LILRA1: variants seen among roughly 807,000 people sequenced by gnomAD.
LILRA1 encodes the protein leukocyte immunoglobulin-like receptor subfamily A member 1.
Under a neutral mutation model 51.6 loss-of-function variants are expected in LILRA1, and 51 were observed. The observed-to-expected ratio is 0.99, with a 90% confidence interval of 0.79 to 1.25. The LOEUF (loss-of-function observed/expected upper bound fraction) is 1.25, where lower values mean the gene tolerates loss of function less well. LILRA1 is among the 50% of genes most tolerant of loss of function. The pLI is 0.00. For missense variants in LILRA1, 660 were observed against 611.7 expected (o/e 1.08, Z -0.83); for synonymous variants, 305 against 248.4 (o/e 1.23, Z -2.14).
At chr19:54,600,422 A>C in intron 8 of LILRA1, 90 bp from the exon 9 acceptor site, 1 of 1,304,318 alleles carries the variant, frequency 7.7e-7, no homozygotes, top group Admixed American at 1.8e-5. Context: ...ACTCCCTAGA[A>C]CTCATGTCAG....
Position 54,594,930 on chromosome 19 carries a change from C to G in LILRA1, c.336C>G (p.Asp112Glu), listed in dbSNP as rs10417158. Residue 112 changes from aspartate (D) to glutamate (E), a missense_variant, in exon 4 of 10, where the codon GAC (aspartate) becomes GAG (glutamate). Transcript: ENST00000251372. ...CTGCAGGCTGGTCAGAGCCCAGTGACCCCCTGGAGCTGGTGGTGACAGGTG... is the reference window on the plus strand; with the variant it reads ...CTGCAGGCTGGTCAGAGCCCAGTGAGCCCCTGGAGCTGGTGGTGACAGGTG... ...SHTAGWSEPS[D>E]PLELVVTGAY... is the part of the protein sequence containing the mutation. The G allele has an allele frequency of 3.6e-3, 5,864 of 1,613,990 alleles. 174 individuals are homozygous for G. The African/African-American group carries it at 0.067, about 18-fold the overall frequency.
rs751883273 is a variant in LILRA1 at position 54,595,359 on chromosome 19, T to G, written c.618T>G (p.His206Gln). 7.4e-6 allele frequency: 12 copies of G among 1,613,766 alleles called. No homozygotes were observed. In the Admixed American group the frequency reaches 1.3e-4, roughly 18 times the overall value. ...ATGCTTATGACTCGAACTCTCCCCA[T>G]GTGTGGTCTCTACCCAGTGATCTCC... ...RCYAYDSNSP[H>Q]VWSLPSDLLE... is the part of the protein sequence containing the mutation. The change falls in exon 5 of 10, where the codon CAT (histidine) becomes CAG (glutamine). Residue 206 changes from histidine (H) to glutamine (Q), a missense_variant. Coordinates refer to ENST00000251372, the MANE Select transcript of LILRA1 (RefSeq NM_006863.4).
In LILRA1 at chr19:54,599,221, T is replaced by C; in HGVS notation, c.1262-15T>C. On this transcript the variant is annotated splice_polypyrimidine_tract_variant and intron_variant, in intron 7 of 9. Transcript: ENST00000251372. ...ACCTCTGAATATGTCTCTTCTCCTC[T>C]GTTTTGATTCTCAGGAGCAGCTGAG... The C allele has an allele frequency of 1.3e-6, 2 of 1,559,206 alleles. No individual in the cohort carries two copies. The highest frequency in any genetic ancestry group is 1.7e-6 in the Non-Finnish European group (2 of 1,146,254).
intron 7 of LILRA1, among the ~76,000 whole-genome samples, chr19:54,597,609 T>G (rs190792256): frequency 6.6e-6 from 1 of 151,488 alleles, no homozygotes; most frequent in South Asian, 2.2e-4. Context: ...CTTGGACACG[T>G]GGAAGATGCT....
At position 54,594,867 on chromosome 19, in the gene LILRA1, A is replaced by T; in HGVS notation, c.273A>T (p.Glu91Asp). The T allele has an allele frequency of 6.2e-7, 1 of 1,614,134 alleles. No individual in the cohort carries two copies. Residue 91 changes from glutamate to aspartate, a missense_variant, in exon 4 of 10, where the codon GAA (glutamate) becomes GAT (aspartate). Glu to Asp is a conservative substitution (Grantham distance 45, BLOSUM62 2). Transcript: ENST00000251372. ...TCCCCATCCCATCCATCACCTGGGA[A>T]CACACAGGGCGGTATCGCTGTTTCT... ...GQFPIPSITW[E>D]HTGRYRCFYG... is the part of the protein sequence containing the mutation.
At position 54,594,445 on chromosome 19, in the gene LILRA1, G is replaced by T; in HGVS notation, c.39G>T (p.Leu13=). ...PIVTVLICLR[L]SLGPRTHVQA... is the part of the protein sequence containing the mutation. Reference sequence around the variant, plus strand: ...TCACAGGGAACTCTCTTCCAGGGCTGAGTCTGGGCCCCCGGACCCACGTGC... The same window carrying T: ...TCACAGGGAACTCTCTTCCAGGGCTTAGTCTGGGCCCCCGGACCCACGTGC... The change falls in exon 3 of 10, where the codon CTG becomes CTT. Residue 13 remains leucine, a synonymous_variant. Coordinates refer to ENST00000251372, the MANE Select transcript of LILRA1 (RefSeq NM_006863.4). 1 of 1,614,200 alleles carries T rather than the reference G, an allele frequency of 6.2e-7. No homozygotes were observed. The highest frequency in any genetic ancestry group is 2.2e-5 in the East Asian group (1 of 44,884).
At position 54,600,502 on chromosome 19, in the gene LILRA1, T is replaced by C; in HGVS notation, c.1313-10T>C. ...GGCTCAGGGCTCTTCCCCTCTGTTT[T>C]TATTCTCAGGAGCAGCTAACACCCT... On this transcript the variant is annotated splice_polypyrimidine_tract_variant and intron_variant, in intron 8 of 9. Transcript: ENST00000251372. 6.2e-7 allele frequency: 1 copy of C among 1,614,074 alleles called. No individual in the cohort carries two copies. The highest frequency in any genetic ancestry group is 8.5e-7 in the Non-Finnish European group (1 of 1,179,996).
intron 1 of LILRA1, 82 bp from the exon 2 acceptor site, chr19:54,594,115 G>A: frequency 7.0e-7 from 1 of 1,429,930 alleles, no homozygotes; most frequent in Non-Finnish European, 9.7e-7. Flanking sequence ...AACACCCCAT[G>A]AGAAGGACCC....
At chr19:54,596,591 G>T in intron 7 of LILRA1, 100 bp downstream of exon 7, 4 of 1,522,956 alleles carry the variant, frequency 2.6e-6, no homozygotes, top group Non-Finnish European at 3.6e-6. Flanking sequence ...GAGTTGGCTG[G>T]GCACGGTGGC....
Position 54,600,789 on chromosome 19 carries a change from A to G in LILRA1, c.1442A>G (p.Glu481Gly). 6.2e-7 allele frequency: 1 copy of G among 1,614,072 alleles called. No individual in the cohort carries two copies. The highest frequency in any genetic ancestry group is 1.1e-5 in the South Asian group (1 of 91,074). ...VLVVLGILLF[E>G]AQHSQRSL is the part of the protein sequence containing the mutation. ...GTGGTCCTCGGGATTCTGCTATTTG[A>G]GGCTCAGCACAGCCAGAGAAGCCTC... Residue 481 changes from glutamate to glycine, a missense_variant, in exon 10 of 10, where the codon GAG (glutamate) becomes GGG (glycine). Transcript: ENST00000251372.
At chr19:54,599,506 T>C (rs916499697) in intron 8 of LILRA1, 76 of 1,204,324 alleles carry the variant, frequency 6.3e-5, no homozygotes, top group Non-Finnish European at 7.8e-5. Context: ...TTTGAGTATA[T>C]TCATTGTATT....
chr19:54,594,599 T>C (rs2146057311), intron 3 of LILRA1, 66 bp from the exon 4 acceptor site: 1 of 1,506,224 alleles, frequency 6.6e-7, no homozygotes, highest in East Asian at 2.2e-5. Context: ...TGGAGGGTCC[T>C]GGGCTGAGAG....
rs2146068668 is a variant in LILRA1 at position 54,595,885 on chromosome 19, T to C, written c.908T>C (p.Leu303Pro). The C allele has an allele frequency of 6.2e-7, 1 of 1,613,860 alleles. No individual in the cohort carries two copies. Among genetic ancestry groups the C allele is most frequent in the Middle Eastern group, 1.7e-4 (1 of 5,912 alleles). ...GQYRCSGAYN[L>P]SSEWSAPSDP... ...TACAGATGCTCCGGTGCATACAACC[T>C]CTCCTCCGAGTGGTCGGCCCCCAGC... The change falls in exon 6 of 10, where the codon CTC becomes CCC. Residue 303 changes from leucine (L) to proline (P), a missense_variant. Leu to Pro is a moderately conservative substitution (Grantham distance 98). Transcript: ENST00000251372.
At chr19:54,599,580 A>G (rs2063129205) in intron 8 of LILRA1, 2 of 1,120,668 alleles carry the variant, frequency 1.8e-6, no homozygotes, top group African/African-American at 1.7e-5. Flanking sequence ...CCTCTAATTT[A>G]CTAATACAAT....
At chr19:54,595,470 G>T (rs2063020165) in intron 5 of LILRA1, 68 bp downstream of exon 5, 10 of 1,555,266 alleles carry the variant, frequency 6.4e-6, no homozygotes, top group South Asian at 1.2e-5. Flanking sequence ...GTGGGGAGCA[G>T]CCACGTCTCA....
In LILRA1 at chr19:54,596,203, A is replaced by C. The variant is rs778605946; in HGVS notation, c.973A>C (p.Arg325=). 1.2e-6 allele frequency: 2 copies of C among 1,613,644 alleles called. No individual in the cohort carries two copies. Among genetic ancestry groups the C allele is most frequent in the Non-Finnish European group, 1.7e-6 (2 of 1,179,838 alleles). Residue 325 remains arginine (R), a synonymous_variant, in exon 7 of 10, where the codon AGA becomes CGA. Transcript: ENST00000251372. Reference sequence around the variant, plus strand: ...CTTCTCTCCAGGACAGTTCCGTGGCAGACCCTTCATCTCGGTGCATCCGGG... The same window carrying C: ...CTTCTCTCCAGGACAGTTCCGTGGCCGACCCTTCATCTCGGTGCATCCGGG... ...DILIAGQFRG[R]PFISVHPGPT... is the part of the protein sequence containing the mutation.
At chr19:54,597,360 C>T (rs533497501) in intron 7 of LILRA1, among the ~76,000 whole-genome samples, 1 of 152,256 alleles carries the variant, frequency 6.6e-6, no homozygotes, top group South Asian at 2.1e-4. Flanking sequence ...TGAGGTTCAG[C>T]ATTGATGAGT....
intron 7 of LILRA1, 42 bp from the exon 8 acceptor site, chr19:54,599,194 T>G: frequency 6.6e-7 from 1 of 1,516,556 alleles, no homozygotes; most frequent in Non-Finnish European, 8.9e-7. Flanking sequence ...GTTATATAAG[T>G]TACCTCTGAA....
intron 3 of LILRA1, 21 bp downstream of exon 3, chr19:54,594,497 C>T (rs182094020): frequency 0.049 from 78,833 of 1,613,618 alleles, 939 homozygotes; most frequent in Non-Finnish European, 0.058. Context: ...CCCCAGCTCT[C>T]CCAGGTCCCT....
Sources: allele counts gnomAD v4.1 joint callset (sites outside exome capture counted in the v4.1 genomes callset), GRCh38; gene constraint gnomAD v4.1.1; transcripts MANE v1.5; gene names NCBI Gene and HGNC (gene_info 2026-07-23, HGNC 2026-07-21).